The following SLCO3A1 variants were observed in gnomAD, a reference collection of about 807,000 sequenced individuals.
SLCO3A1 encodes the protein solute carrier organic anion transporter family member 3A1, also known as PGE1 transporter.
A neutral mutation model predicts 63.1 loss-of-function variants in SLCO3A1; 27 were observed. That is an observed-to-expected ratio of 0.43 (90% CI 0.32 to 0.59). The LOEUF is 0.59. Ranked by LOEUF, SLCO3A1 falls within the 20% of genes least tolerant of loss-of-function variation. SLCO3A1 has a pLI of 0.09. For synonymous variants in SLCO3A1, 473 were observed against 409.9 expected (o/e 1.15, Z -1.86); for missense variants, 773 against 945.8 (o/e 0.82, Z 2.40).
intron 2 of SLCO3A1, among the ~76,000 whole-genome samples, chr15:91,972,985 G>A (rs940295228): frequency 6.6e-6 from 1 of 152,192 alleles, no homozygotes; most frequent in Admixed American, 6.5e-5. Flanking sequence ...GCTAAGCATG[G>A]TGGCATGCAC....
At chr15:92,042,598 A>C (rs1390277769) in intron 2 of SLCO3A1, among the ~76,000 whole-genome samples, 1 of 152,200 alleles carries the variant, frequency 6.6e-6, no homozygotes, top group Non-Finnish European at 1.5e-5. Flanking sequence ...ACGTCCTACA[A>C]AGCACAGAGA....
At chr15:92,058,167 G>C (rs528679433) in intron 2 of SLCO3A1, among the ~76,000 whole-genome samples, 1 of 142,406 alleles carries the variant, frequency 7.0e-6, no homozygotes, top group East Asian at 1.9e-4. Flanking sequence ...GAGTGTGTGA[G>C]TGTGTGTGTG....
intron 2 of SLCO3A1, among the ~76,000 whole-genome samples, chr15:91,949,163 A>G (rs1048915766): frequency 1.3e-5 from 2 of 152,142 alleles, no homozygotes; most frequent in African/African-American, 4.8e-5. Context: ...CTGCACACAG[A>G]TAACTCTGAC....
intron 2 of SLCO3A1, among the ~76,000 whole-genome samples, chr15:91,921,546 G>T (rs533831893): frequency 2.1e-4 from 31 of 149,834 alleles, no homozygotes; most frequent in Non-Finnish European, 3.9e-4. Context: ...TGATGATATA[G>T]TTTTTTTTTT....
At chr15:92,100,755 G>A (rs1878150560) in intron 3 of SLCO3A1, among the ~76,000 whole-genome samples, 1 of 152,146 alleles carries the variant, frequency 6.6e-6, no homozygotes, top group South Asian at 2.1e-4. Flanking sequence ...AGGTTATGTT[G>A]CGGTAACAAA....
chr15:92,068,193 C>G (rs570167764), intron 2 of SLCO3A1, among the ~76,000 whole-genome samples: 2 of 152,146 alleles, frequency 1.3e-5, no homozygotes, highest in Admixed American at 1.3e-4. Flanking sequence ...TAGAGCGGCA[C>G]GAAGCTATTT....
intron 9 of SLCO3A1, among the ~76,000 whole-genome samples, chr15:92,159,318 C>G (rs920434694): frequency 6.6e-6 from 1 of 152,046 alleles, no homozygotes; most frequent in African/African-American, 2.4e-5. Context: ...AACCCCGTCT[C>G]TACTAAAAAT....
exon 11 of SLCO3A1, chr15:92,172,191 C>A: frequency 4.3e-6 from 1 of 232,048 alleles, no homozygotes; most frequent in South Asian, 1.2e-4. Context: ...TTAGAAACTC[C>A]CCTCTTGGGA....
chr15:91,876,328 C>T (rs182178834), intron 1 of SLCO3A1, among the ~76,000 whole-genome samples: 2 of 152,272 alleles, frequency 1.3e-5, no homozygotes, highest in East Asian at 3.9e-4. Flanking sequence ...TGACTGTGAT[C>T]ACTGGTAACC....
At chr15:91,889,853 T>C (rs975229065) in intron 1 of SLCO3A1, among the ~76,000 whole-genome samples, 1 of 150,986 alleles carries the variant, frequency 6.6e-6, no homozygotes, top group African/African-American at 2.5e-5. Context: ...CCTGAGCGAT[T>C]TTCTGTTACA....
At chr15:92,150,642 C>T (rs2048292691) in intron 8 of SLCO3A1, among the ~76,000 whole-genome samples, 2 of 152,100 alleles carry the variant, frequency 1.3e-5, no homozygotes, top group African/African-American at 4.8e-5. Context: ...CTCAGCAAAA[C>T]CAACATGTCT....
At chr15:92,088,275 T>C (rs147180284) in intron 2 of SLCO3A1, among the ~76,000 whole-genome samples, 51 of 152,294 alleles carry the variant, frequency 3.3e-4, no homozygotes, top group African/African-American at 1.2e-3. Flanking sequence ...TAAAGCATCA[T>C]CTCTGCCTGA....
Position 91,954,365 on chromosome 15 carries a change from C to T in SLCO3A1, c.646+37907C>T, listed in dbSNP as rs997099130. Among the ~76,000 whole-genome samples, 1 of 152,200 alleles carries T rather than the reference C, an allele frequency of 6.6e-6. No individual in the cohort carries two copies. The highest frequency in any genetic ancestry group is 1.5e-5 in the Non-Finnish European group (1 of 68,038). On this transcript the variant is annotated intron_variant, in intron 2 of 9. Coordinates refer to ENST00000318445, the MANE Select transcript of SLCO3A1 (RefSeq NM_013272.4). This position sits in a 1 kb window ranked among gnomAD's most constrained non-coding sequence, Gnocchi z 4.7. ...TGCCATCTGCAGGACGGGCACTGTGCTGAGCCTCAGCCAGGCGGAGACGGG... is the reference window on the plus strand; with the variant it reads ...TGCCATCTGCAGGACGGGCACTGTGTTGAGCCTCAGCCAGGCGGAGACGGG...
intron 1 of SLCO3A1, among the ~76,000 whole-genome samples, chr15:91,893,437 T>C (rs1465276736): frequency 6.6e-6 from 1 of 152,212 alleles, no homozygotes; most frequent in Non-Finnish European, 1.5e-5. Context: ...ATCTGGTATC[T>C]GGTAAGGGCC....
At chr15:92,090,970 T>C (rs976621505) in intron 2 of SLCO3A1, among the ~76,000 whole-genome samples, 2 of 152,026 alleles carry the variant, frequency 1.3e-5, no homozygotes, top group Admixed American at 6.5e-5. Context: ...TGCCCAAAGG[T>C]TCATGGAGCT....
intron 2 of SLCO3A1, among the ~76,000 whole-genome samples, chr15:92,006,628 G>A (rs1458746113): frequency 6.6e-6 from 1 of 152,118 alleles, no homozygotes; most frequent in Non-Finnish European, 1.5e-5. Flanking sequence ...AAAAATTCCA[G>A]CAGGAAAAAA....
At chr15:92,087,780 A>C (rs1225387812) in intron 2 of SLCO3A1, among the ~76,000 whole-genome samples, 2 of 152,132 alleles carry the variant, frequency 1.3e-5, no homozygotes, top group Non-Finnish European at 2.9e-5. Context: ...CGGCCTCCCA[A>C]AGTGCTGGGA....
intron 2 of SLCO3A1, among the ~76,000 whole-genome samples, chr15:92,082,302 G>A (rs553014486): frequency 1.3e-4 from 20 of 152,200 alleles, no homozygotes; most frequent in Non-Finnish European, 2.4e-4. Context: ...TTAAGATGTG[G>A]CAATACATTT....
intron 2 of SLCO3A1, among the ~76,000 whole-genome samples, chr15:92,039,146 A>G (rs2046764213): frequency 6.6e-6 from 1 of 152,238 alleles, no homozygotes; most frequent in African/African-American, 2.4e-5. Context: ...AACCTAGGCA[A>G]TACAATTAAG....
Sources: allele counts gnomAD v4.1 joint callset (sites outside exome capture counted in the v4.1 genomes callset), GRCh38; gene constraint gnomAD v4.1.1; non-coding constraint Gnocchi (gnomAD v3.1); transcripts MANE v1.5; gene names NCBI Gene and HGNC (gene_info 2026-07-23, HGNC 2026-07-21).